Variants in ACTR3C observed in about 807,000 individuals in gnomAD.
The protein encoded by ACTR3C is actin related protein 3C, also known as actin-related protein 3C.
Under a neutral mutation model 26.3 loss-of-function variants are expected in ACTR3C, and 18 were observed. That is an observed-to-expected ratio of 0.68 (90% confidence interval 0.47 to 1.01). The LOEUF is 1.01. Ranked by LOEUF, ACTR3C falls within the 50% of genes least tolerant of loss-of-function variation. The pLI is 0.00. For synonymous variants in ACTR3C, 55 were observed against 94.5 expected (o/e 0.58, Z 2.42); for missense variants, 184 against 250.7 (o/e 0.73, Z 1.80).
chr7:149,932,127 G>A, the ACTR3C span, among the ~76,000 whole-genome samples: 9 of 152,182 alleles, frequency 5.9e-5, no homozygotes, highest in South Asian at 2.1e-4. Context: ...TGTGACAGGT[G>A]CATACAGTGG....
rs868078037 is a variant in ACTR3C, at chr7:150,283,586, G to A, written c.564+1167C>T. The stretch of plus-strand genomic sequence containing the variant: ...TTAGCATACATAATTCAAAAAATAC[G>A]CAAACTATATATTTTATATAAAATG... On this transcript the variant is annotated intron_variant, in intron 6 of 7. Coordinates refer to ENST00000683684, the MANE Select transcript of ACTR3C (RefSeq NM_001164458.2). 2.6e-4 allele frequency among the ~76,000 whole-genome samples: 39 copies of A among 151,348 alleles called. 1 individual carries two copies. Among genetic ancestry groups the A allele is most frequent in the Middle Eastern group, 3.4e-3 (1 of 290 alleles).
chr7:150,320,591 C>T (rs539637097), intron 1 of ACTR3C, among the ~76,000 whole-genome samples: 34 of 152,238 alleles, frequency 2.2e-4, no homozygotes, highest in African/African-American at 8.2e-4. Flanking sequence ...GGCAAAACCC[C>T]GTCTCTACTA....
At chr7:150,248,853 A>G (rs1327647861) in intron 7 of ACTR3C, 95 bp downstream of exon 7, 4 of 432,374 alleles carry the variant, frequency 9.3e-6, no homozygotes, top group Non-Finnish European at 1.2e-5. Context: ...AAATGCTTCA[A>G]TAAGCAATTA....
chr7:150,258,518 G>T (rs1451406629), intron 6 of ACTR3C, among the ~76,000 whole-genome samples: 1 of 152,040 alleles, frequency 6.6e-6, no homozygotes, highest in Non-Finnish European at 1.5e-5. Context: ...TGGTCTGCTA[G>T]GTCCATGAAT....
chr7:149,967,186 C>T, the ACTR3C span, among the ~76,000 whole-genome samples: 6 of 151,868 alleles, frequency 4.0e-5, no homozygotes. Context: ...AGGTGCCCAC[C>T]ACCACGCCCG....
chr7:150,308,101 A>G lies in ACTR3C; in HGVS notation c.-51-12754T>C, dbSNP rs74367583. Among the ~76,000 whole-genome samples the G allele has an allele frequency of 6.7e-3, 1,018 of 151,972 alleles. 17 individuals carry two copies. The highest frequency in any genetic ancestry group is 0.023 in the African/African-American group (934 of 41,474). Reference sequence around the variant, plus strand: ...CCTGATTATTCACCCGCATTCCAGAAGTGTTTAATCACTGCGGGGACACCT... The same window carrying G: ...CCTGATTATTCACCCGCATTCCAGAGGTGTTTAATCACTGCGGGGACACCT... On this transcript the variant is annotated intron_variant, in intron 1 of 7. Transcript: ENST00000683684.
chr7:150,258,718 T>C (rs1833414652), intron 6 of ACTR3C, among the ~76,000 whole-genome samples: 1 of 150,584 alleles, frequency 6.6e-6, no homozygotes, highest in Non-Finnish European at 1.5e-5. Flanking sequence ...AACAATATTG[T>C]ATCCTGGGAG....
the ACTR3C span, among the ~76,000 whole-genome samples, chr7:150,030,411 G>C: frequency 4.0e-5 from 6 of 151,700 alleles, no homozygotes; most frequent in Non-Finnish European, 8.8e-5. Context: ...TCTGTCACCA[G>C]AGAGTGCTAA....
the ACTR3C span, among the ~76,000 whole-genome samples, chr7:150,042,107 T>TC: frequency 4.1e-5 from 3 of 73,930 alleles, no homozygotes; most frequent in African/African-American, 1.1e-4. Flanking sequence ...GGGGGGTGCC[T>TC]CCCCCCTCTG....
At chr7:149,951,401 G>A in the ACTR3C span, among the ~76,000 whole-genome samples, 4 of 147,600 alleles carry the variant, frequency 2.7e-5, 1 homozygote, top group East Asian at 3.9e-4. Flanking sequence ...CAGCTTAATC[G>A]GACTCACAGC....
the ACTR3C span, among the ~76,000 whole-genome samples, chr7:150,234,997 T>G: frequency 6.6e-6 from 1 of 152,232 alleles, no homozygotes; most frequent in African/African-American, 2.4e-5. Flanking sequence ...AGGTATATCT[T>G]CTGTTTTCAG....
chr7:150,004,071 T>A, the ACTR3C span, among the ~76,000 whole-genome samples: 2 of 150,616 alleles, frequency 1.3e-5, no homozygotes, highest in African/African-American at 2.5e-5. Context: ...ATGTATGGCA[T>A]GTGGTGTGTT....
chr7:150,243,810 T>A (rs1420349870), downstream of ACTR3C: 1 of 152,082 alleles, frequency 6.6e-6, no homozygotes, highest in Non-Finnish European at 1.5e-5. Flanking sequence ...ACTTGTTTTT[T>A]AAAATATTGT....
At chr7:150,105,813 G>T in the ACTR3C span, among the ~76,000 whole-genome samples, 1 of 152,002 alleles carries the variant, frequency 6.6e-6, no homozygotes, top group African/African-American at 2.4e-5. Flanking sequence ...AGGCCCAAAA[G>T]CATCTTCTAA....
At chr7:150,006,341 C>T in the ACTR3C span, among the ~76,000 whole-genome samples, 1 of 151,384 alleles carries the variant, frequency 6.6e-6, no homozygotes, top group South Asian at 2.1e-4. Context: ...GGACTACAGG[C>T]ACCCGCCACC....
chr7:150,038,893 C>CCCA, the ACTR3C span, among the ~76,000 whole-genome samples: 128 of 98,476 alleles, frequency 1.3e-3, 10 homozygotes, highest in Admixed American at 0.011. Flanking sequence ...GGGTGCCTCC[C>CCCA]CCCTGCGATG....
chr7:150,178,205 C>T, the ACTR3C span, among the ~76,000 whole-genome samples: 1 of 150,288 alleles, frequency 6.7e-6, no homozygotes, highest in Non-Finnish European at 1.5e-5. Flanking sequence ...CTTCCAAGAG[C>T]CAGCAATAAT....
chr7:150,012,317 C>CTTTTTTTTTTTTTTTTTTTTTTTTTTTT, the ACTR3C span, among the ~76,000 whole-genome samples: 3 of 131,270 alleles, frequency 2.3e-5, 1 homozygote, highest in African/African-American at 8.7e-5. Flanking sequence ...ATAAATGCAT[C>CTTTTTTTTTTTTTTTTTTTTTTTTTTTT]TTTTTTTTTT....
At chr7:150,043,099 C>A in the ACTR3C span, among the ~76,000 whole-genome samples, 1 of 151,370 alleles carries the variant, frequency 6.6e-6, no homozygotes, top group Non-Finnish European at 1.5e-5. Flanking sequence ...CCTTAAGCTC[C>A]GGTAGATTGC....
Sources: allele counts gnomAD v4.1 joint callset (sites outside exome capture counted in the v4.1 genomes callset), GRCh38; gene constraint gnomAD v4.1.1; transcripts MANE v1.5; gene names NCBI Gene and HGNC (gene_info 2026-07-23, HGNC 2026-07-21).